Variants in CFAP74 observed in about 807,000 individuals in gnomAD.
CFAP74 encodes the protein cilia- and flagella-associated protein 74.
A neutral mutation model predicts 188.9 loss-of-function variants in CFAP74; 124 were observed. That is an observed-to-expected ratio of 0.66 (90% CI 0.57 to 0.76). The LOEUF is 0.76. Ranked by LOEUF, CFAP74 falls within the 30% of genes least tolerant of loss-of-function variation. CFAP74 has a pLI of 0.00. For synonymous variants in CFAP74, 956 were observed against 916.7 expected (o/e 1.04, Z -0.77); for missense variants, 2,198 against 2,165.2 (o/e 1.02, Z -0.30).
At chr1:1,965,675 C>G (rs1026411808) in intron 12 of CFAP74, among the ~76,000 whole-genome samples, 1 of 152,172 alleles carries the variant, frequency 6.6e-6, no homozygotes, top group Admixed American at 6.5e-5. Flanking sequence ...GCACTTGGCA[C>G]CCTCCTCTTG....
At chr1:1,960,421 G>C (rs1428711005) in intron 14 of CFAP74, among the ~76,000 whole-genome samples, 1 of 152,270 alleles carries the variant, frequency 6.6e-6, no homozygotes, top group African/African-American at 2.4e-5. Flanking sequence ...GGGGGCTGTG[G>C]GCAGGAGCCA....
chr1:1,990,886 T>C lies in CFAP74; in HGVS notation c.67+4A>G, dbSNP rs757703478. 8.1e-6 allele frequency: 13 copies of C among 1,610,720 alleles called. No homozygotes were observed. Among genetic ancestry groups the C allele is most frequent in the Non-Finnish European group, 1.1e-5 (13 of 1,178,580 alleles). ...TTCCGTTACTGTGAAAGAAGCTTTA[T>C]TACCATCTTCCAAAAGAAGGGCATC... On this transcript the variant is annotated splice_donor_region_variant and intron_variant, in intron 2 of 38. Transcript: ENST00000682832.
intron 25 of CFAP74, 50 bp downstream of exon 25, chr1:1,938,805 C>T: frequency 6.6e-7 from 1 of 1,523,338 alleles, no homozygotes. Context: ...GGGGCCCCTC[C>T]TGAGCGGGCA....
At chr1:1,979,372 G>A (rs1375297488) in intron 6 of CFAP74, among the ~76,000 whole-genome samples, 1 of 147,482 alleles carries the variant, frequency 6.8e-6, no homozygotes, top group Non-Finnish European at 1.5e-5. Context: ...GTGGTACTGA[G>A]CTGGGCGTGG....
chr1:1,974,320 C>T (rs1056834836), intron 6 of CFAP74, 122 bp from the exon 7 acceptor site: 2 of 935,012 alleles, frequency 2.1e-6, no homozygotes, highest in Non-Finnish European at 3.1e-6. Flanking sequence ...GGGTTAGCTC[C>T]CTCCTCTAGG....
At chr1:1,940,529 G>A in intron 22 of CFAP74, 126 bp from the exon 23 acceptor site, 1 of 685,936 alleles carries the variant, frequency 1.5e-6, no homozygotes. Flanking sequence ...ATCAGCGCTG[G>A]GAGACGCATC....
intron 6 of CFAP74, among the ~76,000 whole-genome samples, chr1:1,978,703 C>G (rs1214185567): frequency 6.6e-6 from 1 of 152,178 alleles, no homozygotes; most frequent in African/African-American, 2.4e-5. Context: ...CCAGTGGGAC[C>G]CGTGTTGGGC....
At chr1:1,940,840 C>T (rs1287109881) in intron 22 of CFAP74, among the ~76,000 whole-genome samples, 2 of 152,206 alleles carry the variant, frequency 1.3e-5, no homozygotes, top group South Asian at 2.1e-4. Flanking sequence ...GGGCCGGGCA[C>T]GGTGGCTCAC....
chr1:1,980,085 T>G (rs1656736345), intron 6 of CFAP74, among the ~76,000 whole-genome samples: 2 of 131,430 alleles, frequency 1.5e-5, no homozygotes, highest in African/African-American at 2.7e-5. Context: ...GGAGGACGGG[T>G]GAACGAGAGT....
At chr1:1,953,888 G>C (rs1570900221) in intron 18 of CFAP74, 1 of 152,202 alleles carries the variant, frequency 6.6e-6, no homozygotes, top group East Asian at 1.9e-4. Context: ...TTTGAGAAAA[G>C]ACGTCATAAA....
At position 1,955,719 on chromosome 1, in the gene CFAP74, G is replaced by T; in HGVS notation, c.2148C>A (p.Asp716Glu). The T allele has an allele frequency of 6.2e-7, 1 of 1,613,890 alleles. No individual in the cohort carries two copies. Among genetic ancestry groups the T allele is most frequent in the Non-Finnish European group, 8.5e-7 (1 of 1,179,950 alleles). Residue 716 changes from aspartate to glutamate, a missense_variant, in exon 18 of 39, where the codon GAC becomes GAA. By Grantham distance (45) the Asp-to-Glu change is conservative. Coordinates refer to ENST00000682832, the MANE Select transcript of CFAP74 (RefSeq NM_001304360.2). ...MQSRKELEKL[D>E]KEQEEEQPAE... The stretch of plus-strand genomic sequence containing the variant: ...CGGGCTGCTCCTCCTCCTGCTCCTT[G>T]TCCAGCTTCTCCAGCTCCTTCCGGC...
At chr1:1,931,432 TAAA>T (rs34892654) in intron 25 of CFAP74, among the ~76,000 whole-genome samples, 3 of 75,376 alleles carry the variant, frequency 4.0e-5, no homozygotes, top group African/African-American at 5.8e-5. Flanking sequence ...CCCATCTCAA[TAAA>T]AAAAAAAAAA....
Position 1,929,106 on chromosome 1 carries a change from G to A in CFAP74, c.3289-224C>T, listed in dbSNP as rs577302031. Among the ~76,000 whole-genome samples, 5 of 151,942 alleles carry A rather than the reference G, an allele frequency of 3.3e-5. No homozygotes were observed. The South Asian group carries it at 6.3e-4, about 19-fold the overall frequency. On this transcript the variant is annotated intron_variant, in intron 26 of 38. Coordinates refer to ENST00000682832, the MANE Select transcript of CFAP74 (RefSeq NM_001304360.2). ...CACCAAACCCTCTGGCCATGCAGGG[G>A]GCAGTCCTGTGATTGGAGGTGCTGA...
chr1:1,931,872 G>T (rs1056981304), intron 25 of CFAP74, among the ~76,000 whole-genome samples: 2 of 150,570 alleles, frequency 1.3e-5, no homozygotes, highest in Non-Finnish European at 3.0e-5. Flanking sequence ...AGACCAGCCT[G>T]GCCAACACGG....
At chr1:1,994,646 C>T (rs1214864463) in intron 1 of CFAP74, among the ~76,000 whole-genome samples, 1 of 152,204 alleles carries the variant, frequency 6.6e-6, no homozygotes. Context: ...TTGTGAATTC[C>T]ATGCGGCCTC....
At chr1:1,944,555 G>T in intron 20 of CFAP74, 103 bp from the exon 21 acceptor site, 2 of 1,226,226 alleles carry the variant, frequency 1.6e-6, no homozygotes, top group Non-Finnish European at 2.3e-6. Flanking sequence ...TCATGGGCTT[G>T]AGTTTTCTAA....
At chr1:1,997,850 C>T (rs532061998) in intron 1 of CFAP74, among the ~76,000 whole-genome samples, 4 of 152,182 alleles carry the variant, frequency 2.6e-5, no homozygotes, top group Non-Finnish European at 4.4e-5. Context: ...GTGAAAAGAG[C>T]CTCAAGAGAC....
At position 1,923,686 on chromosome 1, in the gene CFAP74, G is replaced by A. The variant is rs1651578569; in HGVS notation, c.4389+89C>T. On this transcript the variant is annotated intron_variant, in intron 35 of 38. Coordinates refer to ENST00000682832, the MANE Select transcript of CFAP74 (RefSeq NM_001304360.2). This position sits in a 1 kb window ranked among gnomAD's most constrained non-coding sequence, Gnocchi z 6.3. ...GTCCCCCAGCCATGGTACCCTCAGG[G>A]CCTCCAAAGTGGAGCAGTGCAGCCA... The A allele has an allele frequency of 3.2e-6, 5 of 1,582,046 alleles. No homozygotes were observed. In the African/African-American group the frequency reaches 6.7e-5, roughly 21 times the overall value.
At position 1,927,750 on chromosome 1, in the gene CFAP74, TG is replaced by T. The variant is rs1192969641; in HGVS notation, c.3388-5del. ...GGGGGGCCATATTCTTTCGGAACTG[TG>T]GGGGGAGCGACTGGCTGTGGGGCTG... On this transcript the variant is annotated splice_region_variant and splice_polypyrimidine_tract_variant and intron_variant, in intron 27 of 38. Transcript: ENST00000682832. 6.5e-7 allele frequency: 1 copy of T among 1,549,198 alleles called. No individual in the cohort carries two copies. Among genetic ancestry groups the T allele is most frequent in the East Asian group, 2.4e-5 (1 of 40,910 alleles).
Sources: allele counts gnomAD v4.1 joint callset (sites outside exome capture counted in the v4.1 genomes callset), GRCh38; gene constraint gnomAD v4.1.1; non-coding constraint Gnocchi (gnomAD v3.1); transcripts MANE v1.5; gene names NCBI Gene and HGNC (gene_info 2026-07-23, HGNC 2026-07-21).